Variants in NME5 observed in about 807,000 individuals in gnomAD.
NME5 encodes the protein nucleoside diphosphate kinase 5.
A neutral mutation model predicts 21.6 loss-of-function variants in NME5; 18 were observed. The observed-to-expected ratio is 0.83, with a 90% CI of 0.58 to 1.24. NME5 has a LOEUF of 1.24. NME5 is among the 50% of genes most tolerant of loss of function. The probability of loss-of-function intolerance (pLI) is 0.00; values close to 1 mark genes in which losing one functional copy is unlikely to be tolerated. For synonymous variants in NME5, 70 were observed against 80.6 expected, an observed-to-expected ratio of 0.87 and a Z score of 0.71; for missense variants, 223 against 255.4, an observed-to-expected ratio of 0.87 and a Z score of 0.86.
At chr5:138,115,826 A>C in intron 5 of NME5, 62 bp from the exon 6 acceptor site, 1 of 1,090,122 alleles carries the variant, frequency 9.2e-7, no homozygotes, top group South Asian at 1.6e-5. Flanking sequence ...TTCAATATAT[A>C]CTATATCAAT....
At chr5:138,133,365 A>C (rs1223517465) in intron 2 of NME5, among the ~76,000 whole-genome samples, 1 of 151,910 alleles carries the variant, frequency 6.6e-6, no homozygotes, top group African/African-American at 2.4e-5. Flanking sequence ...TCGGCCTCTC[A>C]AAGTGCTGGG....
intron 2 of NME5, among the ~76,000 whole-genome samples, chr5:138,132,236 G>C (rs770263899): frequency 1.3e-5 from 2 of 152,072 alleles, no homozygotes; most frequent in Non-Finnish European, 2.9e-5. Context: ...TGTAGTCTCA[G>C]TTAATCGGGA....
chr5:138,133,999 A>T (rs1751632734), intron 2 of NME5, among the ~76,000 whole-genome samples: 1 of 152,254 alleles, frequency 6.6e-6, no homozygotes, highest in Admixed American at 6.5e-5. Flanking sequence ...TGTATATTTT[A>T]CCGCAATTAA....
intron 3 of NME5, 135 bp from the exon 4 acceptor site, chr5:138,128,714 TTA>T: frequency 1.7e-6 from 1 of 583,986 alleles, no homozygotes; most frequent in Non-Finnish European, 3.0e-6. Context: ...TATGTCAAAT[TTA>T]AGCTTAAATT....
intron 4 of NME5, among the ~76,000 whole-genome samples, chr5:138,120,496 C>G (rs1244576195): frequency 6.6e-6 from 1 of 152,048 alleles, no homozygotes; most frequent in African/African-American, 2.4e-5. Context: ...CCTCGGCCTC[C>G]CAAAGTGCTG....
rs1446740919 is a variant in NME5, at chr5:138,115,649, G to C, written c.*32C>G. ...AAGTACAGCCTTTTATAATAAGATA[G>C]TTCATGATTTGTTCTTTCGAGGATT... is the stretch of plus-strand genomic sequence containing the variant. On this transcript the variant is annotated 3_prime_UTR_variant, in exon 6 of 6. Transcript: ENST00000265191. 2.2e-6 allele frequency: 3 copies of C among 1,370,236 alleles called. No individual in the cohort carries two copies. Among genetic ancestry groups the C allele is most frequent in the Non-Finnish European group, 3.0e-6 (3 of 1,000,576 alleles). 84.9% of individuals were successfully genotyped at this position (1,370,236 alleles called of 1,614,324 possible). A position where few individuals can be genotyped will look rare whatever the true frequency, so the allele number is the denominator to read the frequency against.
intron 4 of NME5, among the ~76,000 whole-genome samples, chr5:138,126,494 G>C (rs1287320095): frequency 1.0e-5 from 1 of 97,532 alleles, no homozygotes; most frequent in Non-Finnish European, 1.8e-5. Flanking sequence ...CTGGGCAACA[G>C]AGTGAGAATC....
chr5:138,138,974 C>T (rs1255894296), intron 1 of NME5, 189 bp from the exon 2 acceptor site: 1 of 500,672 alleles, frequency 2.0e-6, no homozygotes, highest in East Asian at 3.9e-5. Flanking sequence ...TAATAGGATT[C>T]CTACTATGTC....
intron 2 of NME5, among the ~76,000 whole-genome samples, chr5:138,137,236 C>T (rs1436697236): frequency 6.6e-6 from 1 of 152,114 alleles, no homozygotes; most frequent in Admixed American, 6.6e-5. Context: ...TTTCTTGTGC[C>T]ATCCCTACTC....
At chr5:138,118,298 T>C (rs938234462) in intron 5 of NME5, among the ~76,000 whole-genome samples, 2 of 148,644 alleles carry the variant, frequency 1.3e-5, no homozygotes, top group Non-Finnish European at 3.0e-5. Flanking sequence ...GCTAATTTTT[T>C]ATATTTTTAG....
chr5:138,124,217 G>C (rs1751350383), intron 4 of NME5, among the ~76,000 whole-genome samples: 1 of 151,310 alleles, frequency 6.6e-6, no homozygotes, highest in African/African-American at 2.4e-5. Flanking sequence ...TGACCAGGTT[G>C]GTCTTGAATT....
In NME5 at chr5:138,127,085, T is replaced by G. The variant is rs182317551; in HGVS notation, c.436+1394A>C. ...ATGTAATCCCAGTGTTTGGGGAGGC[T>G]GAGGCAGGAGGACTGCTTTGAGAAA... On this transcript the variant is annotated intron_variant, in intron 4 of 5. Transcript: ENST00000265191. Among the ~76,000 whole-genome samples, 275 of 152,276 alleles carry G rather than the reference T, an allele frequency of 1.8e-3. 1 individual carries two copies. Among genetic ancestry groups the G allele is most frequent in the African/African-American group, 6.3e-3 (260 of 41,568 alleles).
intron 2 of NME5, among the ~76,000 whole-genome samples, chr5:138,133,096 AT>A (rs1751610129): frequency 6.6e-6 from 1 of 150,524 alleles, no homozygotes; most frequent in African/African-American, 2.4e-5. Flanking sequence ...TTAAGGGTTC[AT>A]CTTTTTTTTT....
At chr5:138,120,813 C>T (rs1374617698) in intron 4 of NME5, among the ~76,000 whole-genome samples, 1 of 152,134 alleles carries the variant, frequency 6.6e-6, no homozygotes, top group Non-Finnish European at 1.5e-5. Context: ...GCACCATATA[C>T]AGACTTTCCT....
At chr5:138,134,185 C>G (rs1751638126) in intron 2 of NME5, among the ~76,000 whole-genome samples, 1 of 152,188 alleles carries the variant, frequency 6.6e-6, no homozygotes, top group Admixed American at 6.5e-5. Flanking sequence ...AAGTGATTCT[C>G]CAGCCTTGCC....
At chr5:138,136,719 G>A (rs945356992) in intron 2 of NME5, among the ~76,000 whole-genome samples, 2 of 151,314 alleles carry the variant, frequency 1.3e-5, no homozygotes, top group South Asian at 2.1e-4. Context: ...CTCGGCTCAC[G>A]GCAACCTCCG....
At chr5:138,133,400 C>T (rs1013115057) in intron 2 of NME5, among the ~76,000 whole-genome samples, 3 of 151,992 alleles carry the variant, frequency 2.0e-5, no homozygotes, top group South Asian at 2.1e-4. Context: ...CCACCGCGCC[C>T]GGCCTTAAGG....
At chr5:138,137,000 CAA>C (rs201169427) in intron 2 of NME5, among the ~76,000 whole-genome samples, 2 of 135,424 alleles carry the variant, frequency 1.5e-5, no homozygotes, top group African/African-American at 2.7e-5. Flanking sequence ...TAAGTCATAA[CAA>C]AAAAAAAAAA....
chr5:138,128,962 A>G (rs1751495584), intron 3 of NME5, among the ~76,000 whole-genome samples: 1 of 152,132 alleles, frequency 6.6e-6, no homozygotes, highest in Admixed American at 6.6e-5. Flanking sequence ...TACCATTCCA[A>G]TTTTTCCATC....
Sources: allele counts gnomAD v4.1 joint callset (sites outside exome capture counted in the v4.1 genomes callset), GRCh38; gene constraint gnomAD v4.1.1; transcripts MANE v1.5; gene names NCBI Gene and HGNC (gene_info 2026-07-23, HGNC 2026-07-21).